Variants in DIP2C observed in about 807,000 individuals in gnomAD.
DIP2C encodes the protein DIP2 acetate--CoA ligase C (putative).
DIP2C carries 33 observed loss-of-function variants against 192.4 expected under a neutral mutation model. The ratio of observed to expected loss-of-function variants is 0.17; its 90% confidence interval spans 0.13 to 0.23. The LOEUF is 0.23. DIP2C is among the 10% of genes least tolerant of loss of function. The pLI is 1.00. For synonymous variants in DIP2C, 979 were observed against 864.1 expected, an observed-to-expected ratio of 1.13 and a Z score of -2.33; for missense variants, 1,537 against 2,110.1, an observed-to-expected ratio of 0.73 and a Z score of 5.32.
chr10:341,872 G>A (rs1277138952), intron 28 of DIP2C, among the ~76,000 whole-genome samples: 4 of 152,142 alleles, frequency 2.6e-5, no homozygotes, highest in African/African-American at 4.8e-5. Flanking sequence ...GTGAGACCCT[G>A]TCTCTTCAAT....
intron 18 of DIP2C, among the ~76,000 whole-genome samples, chr10:369,037 A>T (rs1960646454): frequency 6.6e-6 from 1 of 152,216 alleles, no homozygotes; most frequent in Non-Finnish European, 1.5e-5. Flanking sequence ...GAGACTTGGA[A>T]AAAGGTCTCT....
intron 22 of DIP2C, among the ~76,000 whole-genome samples, chr10:359,666 G>C (rs565302060): frequency 1.8e-3 from 275 of 152,280 alleles, no homozygotes; most frequent in Middle Eastern, 0.014. Flanking sequence ...TTGCCCCTCT[G>C]TGATCTCCAA....
chr10:524,048 T>TG (rs562249703), intron 1 of DIP2C, among the ~76,000 whole-genome samples: 49 of 152,286 alleles, frequency 3.2e-4, no homozygotes, highest in Admixed American at 2.4e-3. Flanking sequence ...GGCCCGAGGC[T>TG]GGTTCCACCT....
At chr10:624,340 G>A (rs1403704025) in intron 1 of DIP2C, among the ~76,000 whole-genome samples, 2 of 152,208 alleles carry the variant, frequency 1.3e-5, no homozygotes, top group East Asian at 1.9e-4. Flanking sequence ...CTGCAGGTGG[G>A]ACCGTCTAGG....
In DIP2C at chr10:366,338, C is replaced by A. The variant is rs1960205243; in HGVS notation, c.2205G>T (p.Val735=). Residue 735 remains valine, a synonymous_variant, in exon 19 of 37, where the codon GTG becomes GTT. Coordinates refer to ENST00000280886, the MANE Select transcript of DIP2C (RefSeq NM_014974.3). ...CRTDEIGELC[V]CAVATGTSYY... ...AGGACGTGCCCGTCGCAACTGCACA[C>A]ACACACAGCTCCCCGATCTCATCCG... 1 of 1,614,090 alleles carries A rather than the reference C, an allele frequency of 6.2e-7. No individual in the cohort carries two copies. The highest frequency in any genetic ancestry group is 1.3e-5 in the African/African-American group (1 of 74,936).
intron 14 of DIP2C, 101 bp downstream of exon 14, chr10:387,644 G>T: frequency 1.0e-6 from 1 of 996,938 alleles, no homozygotes; most frequent in Non-Finnish European, 1.6e-6. Context: ...GGGGACTCCT[G>T]TGTGGACAGA....
At chr10:342,220 G>C (rs1186085903) in intron 28 of DIP2C, among the ~76,000 whole-genome samples, 1 of 151,830 alleles carries the variant, frequency 6.6e-6, no homozygotes, top group Non-Finnish European at 1.5e-5. Context: ...GTGCAGTGGT[G>C]CGATCTCCGC....
At chr10:475,407 G>GT (rs1168894465) in intron 2 of DIP2C, among the ~76,000 whole-genome samples, 1 of 152,154 alleles carries the variant, frequency 6.6e-6, no homozygotes. Context: ...GTGGCCTGAC[G>GT]TTTTTAATGT....
chr10:533,763 T>C (rs1044254763), intron 1 of DIP2C, among the ~76,000 whole-genome samples: 1 of 151,960 alleles, frequency 6.6e-6, no homozygotes, highest in Admixed American at 6.6e-5. Context: ...AATGCGTATC[T>C]GCTTAGTGAC....
At chr10:600,480 A>T (rs1851986315) in intron 1 of DIP2C, among the ~76,000 whole-genome samples, 1 of 150,472 alleles carries the variant, frequency 6.6e-6, no homozygotes, top group African/African-American at 2.5e-5. Context: ...TTCCACCTTA[A>T]AGACGACGGC....
At position 277,586 on chromosome 10, in the gene DIP2C, C is replaced by T. The variant is rs747447716; in HGVS notation, c.4419-9G>A. ...TCCAGGTAAACACAGCACTAAAAGACAGAAAAGAAAGCCATCATTATATGT... is the reference window on the plus strand; with the variant it reads ...TCCAGGTAAACACAGCACTAAAAGATAGAAAAGAAAGCCATCATTATATGT... On this transcript the variant is annotated splice_polypyrimidine_tract_variant and intron_variant, in intron 36 of 36. Coordinates refer to ENST00000280886, the MANE Select transcript of DIP2C (RefSeq NM_014974.3). 8 of 1,612,406 alleles carry T rather than the reference C, an allele frequency of 5.0e-6. No individual in the cohort carries two copies. Among genetic ancestry groups the T allele is most frequent in the South Asian group, 4.4e-5 (4 of 90,974 alleles).
chr10:429,956 C>A (rs1966841174), intron 4 of DIP2C, among the ~76,000 whole-genome samples: 1 of 152,082 alleles, frequency 6.6e-6, no homozygotes, highest in Non-Finnish European at 1.5e-5. Flanking sequence ...TGTAAGAAAC[C>A]ACCAAGCTGT....
At chr10:427,139 TG>T (rs1438838158) in intron 4 of DIP2C, among the ~76,000 whole-genome samples, 1 of 152,192 alleles carries the variant, frequency 6.6e-6, no homozygotes, top group East Asian at 1.9e-4. Context: ...AAAATCTGAG[TG>T]TCAGCAGAGC....
rs367852308 is a variant in DIP2C at position 472,342 on chromosome 10, G to A, written c.268+97C>T. 290 of 1,129,054 alleles carry A rather than the reference G, an allele frequency of 2.6e-4. 1 individual carries two copies. In the East Asian group the frequency reaches 5.5e-3, roughly 21 times the overall value. The allele number at this position is 1,129,054 out of a possible 1,614,324, so 69.9% of individuals were successfully genotyped here. ...GGCCCCTCGCGTGCTGCAGGTCCACGCCCACTGCACTTCTGCCTCGCCCAG... is the reference window on the plus strand; with the variant it reads ...GGCCCCTCGCGTGCTGCAGGTCCACACCCACTGCACTTCTGCCTCGCCCAG... On this transcript the variant is annotated intron_variant, in intron 3 of 36. Coordinates refer to ENST00000280886, the MANE Select transcript of DIP2C (RefSeq NM_014974.3).
intron 1 of DIP2C, among the ~76,000 whole-genome samples, chr10:670,364 A>T (rs1376463516): frequency 6.6e-6 from 1 of 152,066 alleles, no homozygotes; most frequent in African/African-American, 2.4e-5. Context: ...ATACACATAC[A>T]CACATGCACA....
At chr10:347,477 C>G (rs1314067316) in intron 26 of DIP2C, among the ~76,000 whole-genome samples, 295 of 59,142 alleles carry the variant, frequency 5.0e-3, no homozygotes, top group Non-Finnish European at 6.4e-3. Context: ...TCCCGGAAAC[C>G]CCACACTCAC....
intron 1 of DIP2C, among the ~76,000 whole-genome samples, chr10:609,934 G>A (rs975750581): frequency 2.0e-5 from 3 of 151,958 alleles, no homozygotes; most frequent in African/African-American, 7.3e-5. Flanking sequence ...GGGGCACAAA[G>A]GAATGCGGCA....
At chr10:446,183 GTC>G (rs748129328) in intron 3 of DIP2C, among the ~76,000 whole-genome samples, 8 of 145,578 alleles carry the variant, frequency 5.5e-5, no homozygotes, top group Non-Finnish European at 7.6e-5. Context: ...GTTGCAAAGA[GTC>G]TATCTTGCAC....
At chr10:635,355 C>T (rs1039105293) in intron 1 of DIP2C, among the ~76,000 whole-genome samples, 2 of 152,236 alleles carry the variant, frequency 1.3e-5, no homozygotes, top group African/African-American at 4.8e-5. Context: ...CCCTCACAGA[C>T]TGGGATAACA....
Sources: allele counts gnomAD v4.1 joint callset (sites outside exome capture counted in the v4.1 genomes callset), GRCh38; gene constraint gnomAD v4.1.1; transcripts MANE v1.5; gene names NCBI Gene and HGNC (gene_info 2026-07-23, HGNC 2026-07-21).